Variants in GPC6 observed in about 807,000 individuals in gnomAD.
The protein encoded by GPC6 is glypican 6, also known as glypican-6.
Under a neutral mutation model 55.2 loss-of-function variants are expected in GPC6, and 14 were observed. The ratio of observed to expected loss-of-function variants is 0.25; its 90% CI spans 0.17 to 0.40. The LOEUF is 0.40. GPC6 is among the 10% of genes least tolerant of loss of function. The pLI, the probability that GPC6 is intolerant of heterozygous loss-of-function variation, is 1.00. For missense variants in GPC6, 641 were observed against 708.5 expected (o/e 0.90, Z 1.08); for synonymous variants, 278 against 259.6 (o/e 1.07, Z -0.68).
intron 3 of GPC6, among the ~76,000 whole-genome samples, chr13:93,947,737 G>A (rs1348008353): frequency 1.3e-5 from 2 of 151,330 alleles, no homozygotes; most frequent in East Asian, 1.9e-4. Context: ...CCTCTTCAAC[G>A]CTTTTTTTTT....
At chr13:94,102,573 T>A (rs1885906477) in intron 4 of GPC6, among the ~76,000 whole-genome samples, 1 of 152,018 alleles carries the variant, frequency 6.6e-6, no homozygotes, top group Non-Finnish European at 1.5e-5. Context: ...AGTGATGAGT[T>A]CCTGCATTAT....
intron 2 of GPC6, among the ~76,000 whole-genome samples, chr13:93,715,320 G>A (rs1180193832): frequency 6.6e-6 from 1 of 151,688 alleles, no homozygotes; most frequent in South Asian, 2.1e-4. Flanking sequence ...TAGTATGGAT[G>A]GAGCTGAAGG....
At chr13:93,679,294 T>G (rs911888141) in intron 2 of GPC6, among the ~76,000 whole-genome samples, 5 of 152,038 alleles carry the variant, frequency 3.3e-5, no homozygotes, top group Admixed American at 1.3e-4. Flanking sequence ...TAATGGGAAA[T>G]TCAGAAGTTT....
chr13:93,219,929 T>C, the GPC6 span, among the ~76,000 whole-genome samples: 12 of 152,222 alleles, frequency 7.9e-5, no homozygotes, highest in African/African-American at 1.2e-4. Flanking sequence ...AAAAATTATA[T>C]CTTTCTGCTC....
At chr13:93,754,692 A>AT (rs1594428708) in intron 2 of GPC6, among the ~76,000 whole-genome samples, 1 of 146,036 alleles carries the variant, frequency 6.8e-6, no homozygotes, top group African/African-American at 2.5e-5. Flanking sequence ...AATAGAGCCA[A>AT]TTTTTTATTT....
intron 2 of GPC6, among the ~76,000 whole-genome samples, chr13:93,783,828 C>T (rs1202238259): frequency 6.6e-6 from 1 of 152,158 alleles, no homozygotes; most frequent in East Asian, 1.9e-4. Flanking sequence ...TCTGTTCCCT[C>T]TCCTAGAATA....
chr13:94,288,816 T>C (rs56227626), intron 5 of GPC6, among the ~76,000 whole-genome samples: 16 of 54,388 alleles, frequency 2.9e-4, no homozygotes, highest in African/African-American at 1.1e-3. Context: ...TTATATATAA[T>C]AAATATATAT....
At chr13:93,640,003 C>A (rs1879846596) in intron 2 of GPC6, among the ~76,000 whole-genome samples, 1 of 152,134 alleles carries the variant, frequency 6.6e-6, no homozygotes, top group African/African-American at 2.4e-5. Context: ...ATACTCATCA[C>A]TACTTCCCAA....
intron 2 of GPC6, among the ~76,000 whole-genome samples, chr13:93,631,117 G>T (rs1170826151): frequency 1.3e-5 from 2 of 152,054 alleles, no homozygotes; most frequent in East Asian, 3.9e-4. Context: ...AATTAGGCTC[G>T]CAGACAATTT....
At chr13:93,375,708 G>T (rs1287905889) in intron 1 of GPC6, among the ~76,000 whole-genome samples, 3 of 152,170 alleles carry the variant, frequency 2.0e-5, no homozygotes, top group African/African-American at 7.2e-5. Flanking sequence ...AGTGGGCAGG[G>T]ACTCCTGGCA....
At chr13:94,099,327 C>T (rs1885772432) in intron 4 of GPC6, among the ~76,000 whole-genome samples, 1 of 151,960 alleles carries the variant, frequency 6.6e-6, no homozygotes, top group Non-Finnish European at 1.5e-5. Context: ...ATGTTGTGTA[C>T]ATTATATGTT....
chr13:93,687,788 G>A (rs1232518238), intron 2 of GPC6, among the ~76,000 whole-genome samples: 1 of 85,944 alleles, frequency 1.2e-5, no homozygotes, highest in Non-Finnish European at 2.9e-5. Flanking sequence ...CATGAGAAGG[G>A]ACTGAATGCA....
At chr13:93,378,722 G>A (rs1009309401) in intron 1 of GPC6, among the ~76,000 whole-genome samples, 6 of 152,082 alleles carry the variant, frequency 3.9e-5, no homozygotes, top group South Asian at 2.1e-4. Flanking sequence ...GAAGCCGGGC[G>A]CGGTGGCTCA....
At chr13:93,559,433 C>T (rs146920881) in intron 2 of GPC6, among the ~76,000 whole-genome samples, 3 of 152,262 alleles carry the variant, frequency 2.0e-5, no homozygotes, top group African/African-American at 7.2e-5. Context: ...AACAACCGTG[C>T]TGGGCACATG....
chr13:93,828,496 T>TGA lies in GPC6; in HGVS notation c.320-1657_320-1656dup, dbSNP rs200928538. Among the ~76,000 whole-genome samples the TGA allele has an allele frequency of 2.9e-3, 442 of 152,284 alleles. 5 individuals carry two copies. The highest frequency in any genetic ancestry group is 1.0e-2 in the African/African-American group (414 of 41,570). On this transcript the variant is annotated intron_variant, in intron 2 of 8. Coordinates refer to ENST00000377047, the MANE Select transcript of GPC6 (RefSeq NM_005708.5). ...CAGCATACAGCATATATAAATATTTTGATAAATTTATGCTTCTCAATTTTG... is the reference window on the plus strand; with the variant it reads ...CAGCATACAGCATATATAAATATTTTGAGATAAATTTATGCTTCTCAATTTTG...
At chr13:93,639,748 C>T (rs1264305779) in intron 2 of GPC6, among the ~76,000 whole-genome samples, 5 of 152,106 alleles carry the variant, frequency 3.3e-5, no homozygotes, top group Non-Finnish European at 7.4e-5. Flanking sequence ...TATTCTCTTT[C>T]AAAAGTAATC....
intron 3 of GPC6, 48 bp from the exon 4 acceptor site, chr13:94,027,681 T>A (rs1441973228): frequency 1.3e-6 from 2 of 1,569,064 alleles, no homozygotes; most frequent in African/African-American, 2.7e-5. Context: ...TTCCTCCTCT[T>A]TATCCTTCTT....
At chr13:94,071,940 C>T (rs1166986295) in intron 4 of GPC6, among the ~76,000 whole-genome samples, 2 of 152,188 alleles carry the variant, frequency 1.3e-5, no homozygotes, top group East Asian at 3.9e-4. Context: ...GATAGACTTT[C>T]CTAAATGACT....
chr13:93,954,633 AG>A (rs1363978075), intron 3 of GPC6, among the ~76,000 whole-genome samples: 1 of 152,208 alleles, frequency 6.6e-6, no homozygotes, highest in Non-Finnish European at 1.5e-5. Context: ...TTTAATTCAT[AG>A]AGCACACAGA....
Sources: allele counts gnomAD v4.1 joint callset (sites outside exome capture counted in the v4.1 genomes callset), GRCh38; gene constraint gnomAD v4.1.1; transcripts MANE v1.5; gene names NCBI Gene and HGNC (gene_info 2026-07-23, HGNC 2026-07-21).